GRK5: variants seen among roughly 807,000 people sequenced by gnomAD.
The protein encoded by GRK5 is G protein-coupled receptor kinase 5.
In GRK5, 40 loss-of-function variants were observed where a neutral mutation model predicts 78.4. That is an observed-to-expected ratio of 0.51 (90% CI 0.40 to 0.66). The LOEUF is 0.66. Among genes scored for constraint, GRK5 ranks in the 30% least tolerant of loss-of-function variants. The probability of loss-of-function intolerance (pLI) is 0.00; values close to 1 mark genes in which losing one functional copy is unlikely to be tolerated. For missense variants in GRK5, 598 were observed against 759.9 expected (o/e 0.79, Z 2.50); for synonymous variants, 289 against 296.8 (o/e 0.97, Z 0.27).
rs1011907417 is a variant in GRK5, at chr10:119,217,914, G to A, written c.52+9945G>A. 1.3e-5 allele frequency among the ~76,000 whole-genome samples: 2 copies of A among 152,158 alleles called. No individual in the cohort carries two copies. Among genetic ancestry groups the A allele is most frequent in the East Asian group, 1.9e-4 (1 of 5,194 alleles). On this transcript the variant is annotated intron_variant, in intron 1 of 15. Transcript: ENST00000392870. The surrounding 1 kb of genome is among the most constrained non-coding windows in gnomAD (Gnocchi z 4.1). ...AGTAGGGGGTTAGAGAGGGGGAGGC[G>A]AGGAGGGTTTTTCTTGCAGATTGCA...
chr10:119,394,593 G>GTA (rs1564917588), intron 3 of GRK5, among the ~76,000 whole-genome samples: 1 of 2,566 alleles, frequency 3.9e-4, no homozygotes, highest in Non-Finnish European at 9.7e-4. Context: ...GTGGGTGTGT[G>GTA]TCTGTGTGTG....
chr10:119,301,679 CCTTTT>C (rs1850183670), intron 1 of GRK5, among the ~76,000 whole-genome samples: 1 of 152,206 alleles, frequency 6.6e-6, no homozygotes, highest in African/African-American at 2.4e-5. Context: ...CCCTGGCTCT[CCTTTT>C]GAGTCACTTT....
intron 9 of GRK5, among the ~76,000 whole-genome samples, chr10:119,437,757 A>T (rs541931753): frequency 1.3e-5 from 2 of 152,226 alleles, no homozygotes; most frequent in African/African-American, 4.8e-5. Context: ...ATAGATACAT[A>T]CAAGAGTTTT....
chr10:119,451,622 C>T (rs995060175), intron 13 of GRK5, among the ~76,000 whole-genome samples: 22 of 152,328 alleles, frequency 1.4e-4, no homozygotes, highest in South Asian at 8.3e-4. Flanking sequence ...AGAGAAGGGT[C>T]GCAGCTCTGC....
rs557792067 is a variant in GRK5 at position 119,382,912 on chromosome 10, T to C, written c.261+1985T>C. ...CTAAATGTCATTTAACAGGCTCCTC[T>C]ATATTTCTTTCTTTTTTTTTTGTTT... On this transcript the variant is annotated intron_variant, in intron 3 of 15. Transcript: ENST00000392870. Among the ~76,000 whole-genome samples the C allele has an allele frequency of 1.4e-4, 22 of 151,914 alleles. No individual in the cohort carries two copies. In the South Asian group the frequency reaches 4.2e-3, roughly 29 times the overall value.
intron 10 of GRK5, among the ~76,000 whole-genome samples, chr10:119,441,442 G>A (rs10886484): frequency 0.4 from 60,589 of 152,136 alleles, 13,430 homozygotes; most frequent in Non-Finnish European, 0.47. Context: ...AGCGTCTCCC[G>A]CTCTGGGGGC....
chr10:119,282,845 A>C (rs1589720499), intron 1 of GRK5, among the ~76,000 whole-genome samples: 1 of 152,164 alleles, frequency 6.6e-6, no homozygotes, highest in East Asian at 1.9e-4. Flanking sequence ...TCTTGTCTTA[A>C]AGGTGAGGCC....
intron 3 of GRK5, among the ~76,000 whole-genome samples, chr10:119,389,272 A>C (rs1851847921): frequency 6.6e-6 from 1 of 152,210 alleles, no homozygotes; most frequent in Non-Finnish European, 1.5e-5. Flanking sequence ...TTGAAATTTT[A>C]TTGTGAAATG....
rs1298708067 is a variant in GRK5, at chr10:119,452,643, T to C, written c.1405-28T>C. 9.3e-6 allele frequency: 15 copies of C among 1,613,364 alleles called. No individual in the cohort carries two copies. The highest frequency in any genetic ancestry group is 1.3e-5 in the Non-Finnish European group (15 of 1,179,876). The stretch of plus-strand genomic sequence containing the variant: ...CCACTGGAGCCGCAGGCGGGACATA[T>C]GTGTGACCGGCCCTCTGCCCCTGGC... On this transcript the variant is annotated intron_variant, in intron 13 of 15. Coordinates refer to ENST00000392870, the MANE Select transcript of GRK5 (RefSeq NM_005308.3). This position sits in a 1 kb window ranked among gnomAD's most constrained non-coding sequence, Gnocchi z 4.4.
intron 3 of GRK5, 67 bp downstream of exon 3, chr10:119,380,994 G>A: frequency 9.9e-7 from 1 of 1,006,816 alleles, no homozygotes; most frequent in Admixed American, 1.8e-5. Flanking sequence ...TGGCTCAAAG[G>A]AAAAAATAGA....
At chr10:119,227,265 T>TA (rs1359612998) in intron 1 of GRK5, among the ~76,000 whole-genome samples, 3 of 152,106 alleles carry the variant, frequency 2.0e-5, no homozygotes, top group Non-Finnish European at 4.4e-5. Flanking sequence ...CTAGTATATG[T>TA]AAAATTTTAG....
Position 119,423,153 on chromosome 10 carries a change from T to G in GRK5, c.340-13T>G. On this transcript the variant is annotated splice_polypyrimidine_tract_variant and intron_variant, in intron 4 of 15. Transcript: ENST00000392870. ...CTCCTCACTGACCACCTCCCTTCCC[T>G]TCCTTCTTCCAGTCCCCTGTTTTCA... is the stretch of plus-strand genomic sequence containing the variant. 6.3e-7 allele frequency: 1 copy of G among 1,592,490 alleles called. No homozygotes were observed. Among genetic ancestry groups the G allele is most frequent in the Non-Finnish European group, 8.6e-7 (1 of 1,160,238 alleles).
At chr10:119,427,399 T>TCATCAGCATCACC (rs1564930966) in intron 6 of GRK5, among the ~76,000 whole-genome samples, 5 of 125,268 alleles carry the variant, frequency 4.0e-5, no homozygotes, top group Non-Finnish European at 8.1e-5. Context: ...TCAGCATCAC[T>TCATCAGCATCACC]GCCATCAACA....
Position 119,439,720 on chromosome 10 carries a change from T to C in GRK5, c.930-11T>C. 6.2e-7 allele frequency: 1 copy of C among 1,614,088 alleles called. No homozygotes were observed. Among genetic ancestry groups the C allele is most frequent in the Non-Finnish European group, 8.5e-7 (1 of 1,179,944 alleles). The stretch of plus-strand genomic sequence containing the variant: ...TGCCCACACTCTGATGCTTGTTGTT[T>C]TTCCTTTCAGAGATCTGAAACCTGA... On this transcript the variant is annotated splice_polypyrimidine_tract_variant and intron_variant, in intron 9 of 15. Coordinates refer to ENST00000392870, the MANE Select transcript of GRK5 (RefSeq NM_005308.3).
At chr10:119,350,247 AC>A (rs1851168779) in intron 2 of GRK5, among the ~76,000 whole-genome samples, 1 of 152,160 alleles carries the variant, frequency 6.6e-6, no homozygotes, top group African/African-American at 2.4e-5. Context: ...CCAAGCAGCT[AC>A]CGCCTACACC....
At chr10:119,261,815 G>A (rs970679566) in intron 1 of GRK5, among the ~76,000 whole-genome samples, 2 of 152,254 alleles carry the variant, frequency 1.3e-5, no homozygotes, top group African/African-American at 4.8e-5. Context: ...CGGAGAATCA[G>A]GCAGGGAGGT....
At chr10:119,221,298 C>G (rs72834150) in intron 1 of GRK5, among the ~76,000 whole-genome samples, 1 of 152,206 alleles carries the variant, frequency 6.6e-6, no homozygotes, top group Non-Finnish European at 1.5e-5. Context: ...TATGCACATA[C>G]GAACATCTAG....
intron 1 of GRK5, among the ~76,000 whole-genome samples, chr10:119,277,386 C>G (rs1235476028): frequency 1.3e-5 from 2 of 152,142 alleles, no homozygotes; most frequent in Non-Finnish European, 2.9e-5. Context: ...TGTAGTTTCC[C>G]AGGAGGAATA....
intron 1 of GRK5, among the ~76,000 whole-genome samples, chr10:119,226,245 TG>T (rs1204662165): frequency 1.3e-5 from 2 of 151,868 alleles, no homozygotes; most frequent in African/African-American, 4.8e-5. Flanking sequence ...CCCAAAGAGC[TG>T]GGATTACAGG....
Sources: allele counts gnomAD v4.1 joint callset (sites outside exome capture counted in the v4.1 genomes callset), GRCh38; gene constraint gnomAD v4.1.1; non-coding constraint Gnocchi (gnomAD v3.1); transcripts MANE v1.5; gene names NCBI Gene and HGNC (gene_info 2026-07-23, HGNC 2026-07-21).